MYO16: variants seen among roughly 807,000 people sequenced by gnomAD.
MYO16 encodes unconventional myosin-XVI.
A neutral mutation model predicts 205.3 loss-of-function variants in MYO16; 94 were observed. The observed-to-expected ratio is 0.46, with a 90% CI of 0.39 to 0.54. MYO16 has a LOEUF of 0.54. Among genes scored for constraint, MYO16 ranks in the 20% least tolerant of loss-of-function variants. MYO16 has a pLI of 0.00. For missense variants in MYO16, 2,315 were observed against 2,387.5 expected (o/e 0.97, Z 0.63); for synonymous variants, 988 against 954.0 (o/e 1.04, Z -0.66).
chr13:108,630,819 A>T (rs972930019), intron 1 of MYO16, among the ~76,000 whole-genome samples: 2 of 152,204 alleles, frequency 1.3e-5, no homozygotes. Flanking sequence ...AAAAATAATG[A>T]TGATTGAGAA....
At chr13:108,956,662 G>T (rs1051529158) in intron 16 of MYO16, among the ~76,000 whole-genome samples, 1 of 152,006 alleles carries the variant, frequency 6.6e-6, no homozygotes, top group African/African-American at 2.4e-5. Flanking sequence ...TTTCTGCTTT[G>T]TACATATTCT....
chr13:108,644,096 C>G (rs1300926480), intron 1 of MYO16, among the ~76,000 whole-genome samples: 1 of 152,188 alleles, frequency 6.6e-6, no homozygotes, highest in Non-Finnish European at 1.5e-5. Context: ...TGGGGTTCCT[C>G]TTTCTTTACC....
At chr13:108,736,752 A>T (rs1884716591) in intron 4 of MYO16, among the ~76,000 whole-genome samples, 1 of 152,078 alleles carries the variant, frequency 6.6e-6, no homozygotes. Flanking sequence ...CATTTTCACA[A>T]TATTGATTCT....
intron 4 of MYO16, among the ~76,000 whole-genome samples, chr13:108,759,140 C>A (rs1470450690): frequency 6.6e-6 from 1 of 151,662 alleles, no homozygotes; most frequent in Non-Finnish European, 1.5e-5. Flanking sequence ...TGTGGACTAT[C>A]TTCTTTTAAT....
intron 16 of MYO16, among the ~76,000 whole-genome samples, chr13:108,920,579 C>T (rs1054994476): frequency 1.3e-5 from 2 of 152,208 alleles, no homozygotes; most frequent in African/African-American, 4.8e-5. Context: ...CAGCCTCAGC[C>T]TCCCGAGTAG....
intron 2 of MYO16, among the ~76,000 whole-genome samples, chr13:108,697,063 T>C (rs2139509590): frequency 6.6e-6 from 1 of 152,246 alleles, no homozygotes; most frequent in South Asian, 2.1e-4. Context: ...GGGCAAACTT[T>C]GCTCCTGTGA....
chr13:108,725,702 T>C (rs1884313473), intron 3 of MYO16, among the ~76,000 whole-genome samples: 1 of 152,170 alleles, frequency 6.6e-6, no homozygotes, highest in Non-Finnish European at 1.5e-5. Context: ...GTGCTGATCA[T>C]TATTCAGCTG....
chr13:108,790,389 G>C (rs1350092256), intron 5 of MYO16, among the ~76,000 whole-genome samples: 1 of 152,078 alleles, frequency 6.6e-6, no homozygotes, highest in East Asian at 1.9e-4. Context: ...ATAATGTGTG[G>C]ATTTCAGGTA....
intron 27 of MYO16, among the ~76,000 whole-genome samples, chr13:109,095,396 G>A (rs1340875247): frequency 6.6e-6 from 1 of 152,064 alleles, no homozygotes; most frequent in Non-Finnish European, 1.5e-5. Context: ...GTTACTGGGG[G>A]AACGTGTTTT....
the MYO16 span, among the ~76,000 whole-genome samples, chr13:108,537,834 G>A: frequency 1.3e-5 from 2 of 151,734 alleles, no homozygotes; most frequent in Admixed American, 1.3e-4. Flanking sequence ...CATGTCCTTT[G>A]CCCACTTTTT....
chr13:108,930,625 T>A (rs1882214744), intron 16 of MYO16, among the ~76,000 whole-genome samples: 1 of 152,184 alleles, frequency 6.6e-6, no homozygotes, highest in Admixed American at 6.5e-5. Context: ...ACAAAAAAAT[T>A]ATGCTAAGTT....
At chr13:108,668,973 C>T (rs1291307551) in intron 2 of MYO16, among the ~76,000 whole-genome samples, 2 of 152,024 alleles carry the variant, frequency 1.3e-5, no homozygotes, top group Non-Finnish European at 2.9e-5. Context: ...CCATTAGCCA[C>T]AGTAGGAGTG....
chr13:108,637,568 A>T (rs1880312677), intron 1 of MYO16, among the ~76,000 whole-genome samples: 1 of 152,174 alleles, frequency 6.6e-6, no homozygotes, highest in Non-Finnish European at 1.5e-5. Flanking sequence ...TCAAGGAGTA[A>T]TCTAAGGGCT....
At chr13:108,919,246 C>T (rs541976404) in intron 16 of MYO16, among the ~76,000 whole-genome samples, 1 of 152,364 alleles carries the variant, frequency 6.6e-6, no homozygotes, top group African/African-American at 2.4e-5. Context: ...TCCCATGGCC[C>T]TGGCTGGGCC....
chr13:108,692,173 G>A (rs12857127), intron 2 of MYO16, among the ~76,000 whole-genome samples: 34,285 of 152,108 alleles, frequency 0.23, 3,894 homozygotes, highest in Middle Eastern at 0.34. Context: ...AAGCTAATCA[G>A]ACTTGGGCAC....
chr13:109,046,872 T>C lies in MYO16; in HGVS notation c.2797-44T>C, dbSNP rs1478661066. 4 of 1,457,328 alleles carry C rather than the reference T, an allele frequency of 2.7e-6. No homozygotes were observed. In the South Asian group the frequency reaches 3.5e-5, roughly 13 times the overall value. 90.3% of individuals were successfully genotyped at this position (1,457,328 alleles called of 1,614,324 possible). On this transcript the variant is annotated intron_variant, in intron 23 of 34. Transcript: ENST00000457511. Reference sequence around the variant, plus strand: ...CCTTTAAAGGAATTTATTTTCACAGTCATGTTGAATCATTAGTAATTATGC... The same window carrying C: ...CCTTTAAAGGAATTTATTTTCACAGCCATGTTGAATCATTAGTAATTATGC...
intron 1 of MYO16, among the ~76,000 whole-genome samples, chr13:108,610,715 G>A (rs1395125735): frequency 6.6e-6 from 1 of 152,166 alleles, no homozygotes; most frequent in Non-Finnish European, 1.5e-5. Context: ...ATCTGGCAGA[G>A]ACTCTGATAA....
In MYO16 at chr13:109,140,386, C is replaced by T. The variant is rs551374890; in HGVS notation, c.4174C>T (p.Arg1392Trp). 8.8e-6 allele frequency: 14 copies of T among 1,597,296 alleles called. No homozygotes were observed. In the South Asian group the frequency reaches 8.8e-5, roughly 10 times the overall value. ...CTCCTACGAGGAGATATCGGGGTCC[C>T]GGCCCGGGGACGCGAGGCCCGCGGG... ...SGSYEEISGS[R>W]PGDARPAGAP... The change falls in exon 32 of 35, where the codon CGG becomes TGG. Residue 1392 changes from arginine (R) to tryptophan (W), a missense_variant. By Grantham distance (101) the Arg-to-Trp change is moderately radical (BLOSUM62 -3). Coordinates refer to ENST00000457511, the MANE Select transcript of MYO16 (RefSeq NM_001198950.3). This position sits in a 1 kb window ranked among gnomAD's most constrained non-coding sequence, Gnocchi z 8.0.
chr13:109,155,929 T>A (rs1877994178), intron 32 of MYO16, among the ~76,000 whole-genome samples: 1 of 152,188 alleles, frequency 6.6e-6, no homozygotes, highest in Non-Finnish European at 1.5e-5. Flanking sequence ...ATATTTGGAT[T>A]ATGCTATCAT....
Sources: gnomAD v4.1 joint callset for allele counts (sites outside exome capture counted in the v4.1 genomes callset) on GRCh38, gnomAD v4.1.1 for gene constraint, Gnocchi (gnomAD v3.1) non-coding constraint, MANE v1.5 for transcripts, NCBI Gene and HGNC (gene_info 2026-07-23, HGNC 2026-07-21) for gene names.